Variants in ARAP2 observed in about 807,000 individuals in gnomAD.
The protein encoded by ARAP2 is ArfGAP with RhoGAP domain, ankyrin repeat and PH domain 2.
In ARAP2, 148 loss-of-function variants were observed where a neutral mutation model predicts 194.5. The ratio of observed to expected loss-of-function variants is 0.76; its 90% CI spans 0.67 to 0.87. ARAP2 has a LOEUF of 0.87. Among genes scored for constraint, ARAP2 ranks in the 40% least tolerant of loss-of-function variants. ARAP2 has a pLI of 0.00. For missense variants in ARAP2, 2,128 were observed against 1,989.7 expected, an observed-to-expected ratio of 1.07 and a Z score of -1.32; for synonymous variants, 695 against 683.5, an observed-to-expected ratio of 1.02 and a Z score of -0.26.
intron 32 of ARAP2, among the ~76,000 whole-genome samples, chr4:36,070,493 T>A (rs546992488): frequency 6.6e-6 from 1 of 152,308 alleles, no homozygotes; most frequent in South Asian, 2.1e-4. Flanking sequence ...TGAACGGAAA[T>A]AATAATCTGA....
chr4:36,098,885 T>A (rs1716065575), intron 27 of ARAP2, among the ~76,000 whole-genome samples: 1 of 149,404 alleles, frequency 6.7e-6, no homozygotes, highest in African/African-American at 2.6e-5. Flanking sequence ...TTAACTCTTT[T>A]TTTTATTTAT....
intron 3 of ARAP2, among the ~76,000 whole-genome samples, chr4:36,213,551 T>G (rs1231599814): frequency 1.3e-5 from 2 of 152,104 alleles, no homozygotes; most frequent in Non-Finnish European, 2.9e-5. Flanking sequence ...TCACTGCTCC[T>G]TAAATTGCAA....
intron 31 of ARAP2, among the ~76,000 whole-genome samples, chr4:36,074,176 T>C (rs1430873670): frequency 6.6e-6 from 1 of 152,166 alleles, no homozygotes; most frequent in African/African-American, 2.4e-5. Context: ...TAAGTAACTA[T>C]ACATTTACAC....
At position 36,177,066 on chromosome 4, in the gene ARAP2, TTATACATATTAAAAACA is replaced by T. The variant is rs536724578; in HGVS notation, c.1857+744_1857+760del. On this transcript the variant is annotated intron_variant, in intron 9 of 32. Transcript: ENST00000303965. ...AAAAAAAGGGGTAAAGAATTATATA[TTATACATATTAAAAACA>T]TATACATATTAAAAACAAGGAATTT... 5.4e-3 allele frequency among the ~76,000 whole-genome samples: 820 copies of T among 151,988 alleles called. 4 individuals carry two copies. The highest frequency in any genetic ancestry group is 9.0e-3 in the Admixed American group (138 of 15,258).
chr4:36,192,152 C>G (rs1742046775), intron 7 of ARAP2, among the ~76,000 whole-genome samples: 1 of 146,390 alleles, frequency 6.8e-6, no homozygotes, highest in Non-Finnish European at 1.5e-5. Context: ...TAGGAAACAC[C>G]AAATCCAGTG....
intron 5 of ARAP2, among the ~76,000 whole-genome samples, chr4:36,022,509 C>T (rs1046135005): frequency 7.2e-5 from 11 of 151,960 alleles, no homozygotes; most frequent in Non-Finnish European, 1.3e-4. Context: ...GGTATTAAGG[C>T]TGATGCAAAA....
chr4:36,210,031 G>A (rs939536329), intron 6 of ARAP2, among the ~76,000 whole-genome samples: 1 of 152,174 alleles, frequency 6.6e-6, no homozygotes, highest in African/African-American at 2.4e-5. Context: ...GCCAAACAGT[G>A]TGGGCTGAGT....
At chr4:36,065,434 C>G, downstream of ARAP2, 1 of 461,866 alleles carries the variant, frequency 2.2e-6, no homozygotes, top group Non-Finnish European at 4.4e-6. Flanking sequence ...CATGCCACCA[C>G]TCTTTGCCCA....
rs1334522730 is a variant in ARAP2 at position 36,148,563 on chromosome 4, T to C, written c.2898-56A>G. ...CAGTTATATTTAGCTCTTAAGAAAA[T>C]GAATAACACAAAGGTCATGTTTTTA... On this transcript the variant is annotated intron_variant, in intron 16 of 32. Transcript: ENST00000303965. 8.1e-6 allele frequency: 10 copies of C among 1,239,500 alleles called. No homozygotes were observed. The East Asian group carries it at 2.1e-4, about 26-fold the overall frequency. The allele number at this position is 1,239,500 out of a possible 1,614,324, so 76.8% of individuals were successfully genotyped here.
At position 36,193,662 on chromosome 4, in the gene ARAP2, A is replaced by G. The variant is rs778957816; in HGVS notation, c.1488-15T>C. ...ACATGCGTTTTCTGCAAAACATATG[A>G]AATTGTTATTTTACATTCAAGTAAC... On this transcript the variant is annotated splice_polypyrimidine_tract_variant and intron_variant, in intron 6 of 32. Coordinates refer to ENST00000303965, the MANE Select transcript of ARAP2 (RefSeq NM_015230.4). 7 of 1,588,908 alleles carry G rather than the reference A, an allele frequency of 4.4e-6. No individual in the cohort carries two copies. Among genetic ancestry groups the G allele is most frequent in the Non-Finnish European group, 6.0e-6 (7 of 1,165,532 alleles).
chr4:36,080,083 GAA>G, intron 31 of ARAP2, 131 bp downstream of exon 31: 2 of 646,586 alleles, frequency 3.1e-6, no homozygotes, highest in Non-Finnish European at 5.2e-6. Context: ...AAGAATGAGA[GAA>G]TCAAAGTTTA....
At chr4:36,228,534 T>G in intron 2 of ARAP2, 48 bp downstream of exon 2, 2 of 1,497,560 alleles carry the variant, frequency 1.3e-6, no homozygotes, top group Non-Finnish European at 1.8e-6. Context: ...AAAAAATCAC[T>G]GAATTTCCTC....
chr4:36,180,114 A>G (rs770880172), intron 8 of ARAP2, among the ~76,000 whole-genome samples: 1 of 152,010 alleles, frequency 6.6e-6, no homozygotes, highest in Admixed American at 6.6e-5. Context: ...CTATACTAAA[A>G]CTACACACAC....
chr4:36,012,558 C>T (rs1168375159), intron 9 of ARAP2: 1 of 152,212 alleles, frequency 6.6e-6, no homozygotes, highest in African/African-American at 2.4e-5. Flanking sequence ...AGCAAAATCA[C>T]TTACAATCCA....
At chr4:36,194,965 C>T (rs1742752849) in intron 6 of ARAP2, among the ~76,000 whole-genome samples, 1 of 151,788 alleles carries the variant, frequency 6.6e-6, no homozygotes, top group South Asian at 2.1e-4. Flanking sequence ...GGGTGGATCA[C>T]TGGGCAACAT....
chr4:36,123,753 C>CA, intron 22 of ARAP2, among the ~76,000 whole-genome samples: 1 of 151,844 alleles, frequency 6.6e-6, no homozygotes, highest in Admixed American at 6.6e-5. Flanking sequence ...GGATAAAATC[C>CA]AAATGTTTTT....
At chr4:36,036,715 A>G (rs910448721) in intron 5 of ARAP2, among the ~76,000 whole-genome samples, 3 of 152,110 alleles carry the variant, frequency 2.0e-5, no homozygotes, top group Admixed American at 2.0e-4. Context: ...TAAAATATCT[A>G]CTCCAAGCAT....
chr4:36,125,092 C>T, intron 21 of ARAP2, 125 bp from the exon 22 acceptor site: 1 of 578,024 alleles, frequency 1.7e-6, no homozygotes, highest in Non-Finnish European at 3.0e-6. Context: ...AATCAGGTTT[C>T]AGTAGACAAT....
At chr4:36,237,068 G>A (rs994203042) in intron 1 of ARAP2, among the ~76,000 whole-genome samples, 4 of 152,180 alleles carry the variant, frequency 2.6e-5, no homozygotes, top group African/African-American at 9.7e-5. Flanking sequence ...AAGAGGCAAT[G>A]ACAAATTAAG....
Sources: gnomAD v4.1 joint callset for allele counts (sites outside exome capture counted in the v4.1 genomes callset) on GRCh38, gnomAD v4.1.1 for gene constraint, MANE v1.5 for transcripts, NCBI Gene and HGNC (gene_info 2026-07-23, HGNC 2026-07-21) for gene names.